The following ZNF518A variants were observed in gnomAD, a reference collection of about 807,000 sequenced individuals.
The protein encoded by ZNF518A is zinc finger protein 518.
In ZNF518A, 47 loss-of-function variants were observed where a neutral mutation model predicts 102.7. The ratio of observed to expected loss-of-function variants is 0.46; its 90% CI spans 0.36 to 0.58. The LOEUF is 0.58. Among genes scored for constraint, ZNF518A ranks in the 20% least tolerant of loss-of-function variants. The probability of loss-of-function intolerance (pLI) is 0.00; values close to 1 mark genes in which losing one functional copy is unlikely to be tolerated. For synonymous variants in ZNF518A, 652 were observed against 594.6 expected (o/e 1.10, Z -1.40); for missense variants, 1,793 against 1,699.8 (o/e 1.05, Z -0.96).
At chr10:96,134,928 A>G (rs1172941) in intron 3 of ZNF518A, among the ~76,000 whole-genome samples, 144,555 of 152,248 alleles carry the variant, frequency 0.95, 69,045 homozygotes, top group East Asian at 1. Context: ...GGTAAAAGAC[A>G]TGTCATATAT....
chr10:96,164,045 G>T (rs1277524170), downstream of ZNF518A, among the ~76,000 whole-genome samples: 1 of 152,156 alleles, frequency 6.6e-6, no homozygotes, highest in Non-Finnish European at 1.5e-5. Flanking sequence ...AACTTATGAA[G>T]GGATTAAAAA....
chr10:96,161,690 T>C lies in ZNF518A; in HGVS notation c.*916T>C, dbSNP rs1375149945. On this transcript the variant is annotated 3_prime_UTR_variant, in exon 6 of 6. Transcript: ENST00000316045. ...TAGGAGCACTTCCAAGGGAGTGGCT[T>C]TTCTTGAAAATTAAAATTGTTTACC... is the stretch of plus-strand genomic sequence containing the variant. The C allele has an allele frequency of 6.0e-6, 1 of 166,988 alleles. No homozygotes were observed. Among genetic ancestry groups the C allele is most frequent in the African/African-American group, 2.4e-5 (1 of 41,456 alleles). The allele number at this position is 166,988 out of a possible 1,614,324, so 10.3% of individuals were successfully genotyped here.
downstream of ZNF518A, among the ~76,000 whole-genome samples, chr10:96,166,558 G>T (rs587671352): frequency 6.6e-6 from 1 of 152,242 alleles, no homozygotes; most frequent in African/African-American, 2.4e-5. Context: ...CACAAGGTCA[G>T]GAGATCGAGA....
chr10:96,169,544 T>C (rs1412737287), intron 1 of ZNF518A, among the ~76,000 whole-genome samples: 1 of 152,214 alleles, frequency 6.6e-6, no homozygotes, highest in Non-Finnish European at 1.5e-5. Flanking sequence ...TTTATTGATG[T>C]TCTCTATTTG....
Position 96,156,563 on chromosome 10 carries a change from G to A in ZNF518A, c.241G>A (p.Ala81Thr). ...RKLFQSKQQT[A>T]RKSISIKTVS... ...ATTATTTCAGAGTAAACAGCAGACT[G>A]CAAGAAAATCTATCAGTATAAAGAC... The change falls in exon 6 of 6, where the codon GCA (alanine) becomes ACA (threonine). Residue 81 changes from alanine to threonine, a missense_variant. Ala to Thr is a moderately conservative substitution (Grantham distance 58). Around this residue, in one of 3 missense-constraint regions of ZNF518A, gnomAD observed 1,741 missense variants for 1,622.6 expected, o/e 1.07. Coordinates refer to ENST00000316045, the MANE Select transcript of ZNF518A (RefSeq NM_001330736.2). 6.2e-7 allele frequency: 1 copy of A among 1,613,200 alleles called. No homozygotes were observed. Among genetic ancestry groups the A allele is most frequent in the Non-Finnish European group, 8.5e-7 (1 of 1,179,556 alleles).
At chr10:96,153,861 A>G (rs1265591298) in intron 3 of ZNF518A, among the ~76,000 whole-genome samples, 1 of 152,182 alleles carries the variant, frequency 6.6e-6, no homozygotes, top group Non-Finnish European at 1.5e-5. Flanking sequence ...GATACCCACA[A>G]ACAGAAAAAG....
At chr10:96,178,699 C>A (rs186281235) in intron 1 of ZNF518A, among the ~76,000 whole-genome samples, 6 of 151,966 alleles carry the variant, frequency 3.9e-5, no homozygotes, top group Admixed American at 6.5e-5. Context: ...AATTGATAAA[C>A]CTTTAGCTAG....
At chr10:96,199,682 A>T (rs868927822) in intron 1 of ZNF518A, 3 of 374,606 alleles carry the variant, frequency 8.0e-6, no homozygotes, top group Middle Eastern at 6.6e-4. Context: ...AAGGACGACA[A>T]CTGTGTCTAT....
chr10:96,181,592 T>A (rs1337594095), intron 1 of ZNF518A, among the ~76,000 whole-genome samples: 8 of 151,906 alleles, frequency 5.3e-5, no homozygotes, highest in African/African-American at 1.9e-4. Context: ...GCACCATTAA[T>A]TAGGGAATCC....
At chr10:96,189,739 T>TCAG in intron 1 of ZNF518A, 1 of 731,622 alleles carries the variant, frequency 1.4e-6, no homozygotes, top group East Asian at 2.5e-5. Context: ...ATCATCTTCA[T>TCAG]CAGCAGCAAG....
At chr10:96,178,716 C>T (rs1446024159) in intron 1 of ZNF518A, among the ~76,000 whole-genome samples, 3 of 151,742 alleles carry the variant, frequency 2.0e-5, no homozygotes, top group African/African-American at 4.8e-5. Flanking sequence ...CTAGATGAAT[C>T]GAGAAAAATG....
At chr10:96,165,501 C>T (rs1591269264), downstream of ZNF518A, among the ~76,000 whole-genome samples, 1 of 147,206 alleles carries the variant, frequency 6.8e-6, no homozygotes, top group East Asian at 2.0e-4. Context: ...AGACACCAAA[C>T]CAAACCTGTA....
At chr10:96,152,707 T>C (rs1255957533) in intron 3 of ZNF518A, among the ~76,000 whole-genome samples, 2 of 152,248 alleles carry the variant, frequency 1.3e-5, no homozygotes, top group Non-Finnish European at 2.9e-5. Context: ...GCCTGTTGCT[T>C]CTAGGCTACC....
chr10:96,180,067 A>G (rs587612317), intron 1 of ZNF518A, among the ~76,000 whole-genome samples: 2 of 151,288 alleles, frequency 1.3e-5, no homozygotes, highest in Admixed American at 1.3e-4. Flanking sequence ...TTTAGTAGAG[A>G]GAGGGTTTCA....
At chr10:96,199,942 T>C in intron 1 of ZNF518A, 1 of 492,958 alleles carries the variant, frequency 2.0e-6, no homozygotes, top group Non-Finnish European at 3.2e-6. Context: ...GAGAATCACT[T>C]GAACTTGGGA....
intron 1 of ZNF518A, among the ~76,000 whole-genome samples, chr10:96,196,463 G>A (rs587600239): frequency 6.6e-6 from 1 of 152,052 alleles, no homozygotes; most frequent in African/African-American, 2.4e-5. Flanking sequence ...CTGGTACAAG[G>A]GCTATAGTCT....
At chr10:96,175,924 T>TTTCTTTCC (rs2083202044) in intron 1 of ZNF518A, among the ~76,000 whole-genome samples, 5 of 133,736 alleles carry the variant, frequency 3.7e-5, no homozygotes, top group South Asian at 2.9e-4. Context: ...CCTTCCTTCC[T>TTTCTTTCC]TCCTTCCTTC....
chr10:96,181,954 T>C (rs1362608575), intron 1 of ZNF518A, among the ~76,000 whole-genome samples: 2 of 152,242 alleles, frequency 1.3e-5, no homozygotes, highest in Non-Finnish European at 2.9e-5. Context: ...TGATATTGAT[T>C]CTTCCTCTCT....
At chr10:96,138,021 G>A (rs2081699550) in intron 3 of ZNF518A, among the ~76,000 whole-genome samples, 1 of 151,406 alleles carries the variant, frequency 6.6e-6, no homozygotes, top group Non-Finnish European at 1.5e-5. Context: ...TCCTTGACAT[G>A]TCTCTTTCTT....
Sources: allele counts gnomAD v4.1 joint callset (sites outside exome capture counted in the v4.1 genomes callset), GRCh38; gene constraint gnomAD v4.1.1; regional missense constraint gnomAD v4.1.1; transcripts MANE v1.5; gene names NCBI Gene and HGNC (gene_info 2026-07-23, HGNC 2026-07-21).